NRBP1: variants seen among roughly 807,000 people sequenced by gnomAD.
NRBP1 encodes nuclear receptor-binding protein.
In NRBP1, 10 loss-of-function variants were observed where a neutral mutation model predicts 76.0. The ratio of observed to expected loss-of-function variants is 0.13; its 90% CI spans 0.08 to 0.22. The LOEUF (loss-of-function observed/expected upper bound fraction) is 0.22, where lower values mean the gene tolerates loss of function less well. Ranked by LOEUF, NRBP1 falls within the 10% of genes least tolerant of loss-of-function variation. The probability of loss-of-function intolerance (pLI) is 1.00; values close to 1 mark genes in which losing one functional copy is unlikely to be tolerated. For synonymous variants in NRBP1, 235 were observed against 240.2 expected (o/e 0.98, Z 0.20); for missense variants, 344 against 646.0 (o/e 0.53, Z 5.07).
intron 7 of NRBP1, chr2:27,435,453 A>G (rs909383700): frequency 5.0e-6 from 3 of 604,286 alleles, no homozygotes; most frequent in Non-Finnish European, 8.8e-6. Context: ...GGGTTAATAC[A>G]GAGATACTGA....
At position 27,442,222 on chromosome 2, in the gene NRBP1, C is replaced by T; in HGVS notation, c.*410C>T. On this transcript the variant is annotated 3_prime_UTR_variant, in exon 18 of 18. Coordinates refer to ENST00000379852, the MANE Select transcript of NRBP1 (RefSeq NM_013392.4). Reference sequence around the variant, plus strand: ...CCCTGGGGGGCCATTCGATTCGCCTCAGTTGCTGCTGTAATAAAAGTCTAC... The same window carrying T: ...CCCTGGGGGGCCATTCGATTCGCCTTAGTTGCTGCTGTAATAAAAGTCTAC... 1.8e-6 allele frequency: 1 copy of T among 564,000 alleles called. No individual in the cohort carries two copies. The highest frequency in any genetic ancestry group is 3.0e-6 in the Non-Finnish European group (1 of 330,028). The allele number at this position is 564,000 out of a possible 1,614,324, so 34.9% of individuals were successfully genotyped here. A position where few individuals can be genotyped will look rare whatever the true frequency, so the allele number is the denominator to read the frequency against.
rs374669922 is a variant in NRBP1 at position 27,439,913 on chromosome 2, C to T, written c.1036+15C>T. The T allele has an allele frequency of 5.6e-6, 9 of 1,603,234 alleles. No individual in the cohort carries two copies. The highest frequency in any genetic ancestry group is 7.7e-6 in the Non-Finnish European group (9 of 1,173,816). On this transcript the variant is annotated intron_variant, in intron 11 of 17. Coordinates refer to ENST00000379852, the MANE Select transcript of NRBP1 (RefSeq NM_013392.4). The stretch of plus-strand genomic sequence containing the variant: ...GGGACACCAACGTGAGTCGTCTTGG[C>T]CCTATGGGGAATAGTCTTCCAATCT...
At chr2:27,436,429 C>T (rs1466447640) in intron 7 of NRBP1, 4 of 266,532 alleles carry the variant, frequency 1.5e-5, no homozygotes, top group Admixed American at 4.9e-5. Flanking sequence ...GGAAGGTGAA[C>T]GCAGTACAAG....
rs374195507 is a variant in NRBP1 at position 27,440,649 on chromosome 2, C to T, written c.1143-3C>T. On this transcript the variant is annotated splice_region_variant and splice_polypyrimidine_tract_variant and intron_variant, in intron 12 of 17. Transcript: ENST00000379852. Reference sequence around the variant, plus strand: ...TCCATCTCCTTTCTCTTTTCTCGTCCAGGTACTCTCAGTCACCAGCTCTGG... The same window carrying T: ...TCCATCTCCTTTCTCTTTTCTCGTCTAGGTACTCTCAGTCACCAGCTCTGG... The T allele has an allele frequency of 1.5e-5, 25 of 1,613,948 alleles. No individual in the cohort carries two copies. The African/African-American group carries it at 2.9e-4, about 19-fold the overall frequency.
chr2:27,439,578 T>G (rs1053658419), intron 10 of NRBP1, among the ~76,000 whole-genome samples, 188 bp from the exon 11 acceptor site: 1 of 151,434 alleles, frequency 6.6e-6, no homozygotes, highest in Non-Finnish European at 1.5e-5. Context: ...CAGTGGATGG[T>G]ATCTTTCATA....
chr2:27,437,944 T>C (rs191102920), intron 10 of NRBP1, among the ~76,000 whole-genome samples: 1 of 151,950 alleles, frequency 6.6e-6, no homozygotes, highest in African/African-American at 2.4e-5. Flanking sequence ...CCCAGCACTT[T>C]GAGAGGCTGA....
chr2:27,428,649 A>G lies in NRBP1; in HGVS notation c.-103A>G. 3 of 397,836 alleles carry G rather than the reference A, an allele frequency of 7.5e-6. No individual in the cohort carries two copies. 24.6% of individuals were successfully genotyped at this position (397,836 alleles called of 1,614,324 possible). A position where few individuals can be genotyped will look rare whatever the true frequency, so the allele number is the denominator to read the frequency against. ...GCAGTTCGGTTGCGCTGCGGAGCGC[A>G]GCTGTGAGGGAGTCGCTGTGATCCG... On this transcript the variant is annotated 5_prime_UTR_variant, in exon 1 of 18. Coordinates refer to ENST00000379852, the MANE Select transcript of NRBP1 (RefSeq NM_013392.4).
chr2:27,428,490 GGA>G, upstream of NRBP1: 2 of 394,834 alleles, frequency 5.1e-6, no homozygotes. Flanking sequence ...CGCAAGGGGA[GGA>G]GAGCGGGTGG....
chr2:27,434,879 T>TGATTCTTTGAATCATAATC, intron 6 of NRBP1, 117 bp downstream of exon 6: 1 of 1,113,520 alleles, frequency 9.0e-7, no homozygotes, highest in South Asian at 1.3e-5. Context: ...TTGAATCATA[T>TGATTCTTTGAATCATAATC]ACTGTCAAGA....
chr2:27,441,427 T>C (rs1401978731), intron 16 of NRBP1, 97 bp downstream of exon 16: 15 of 1,417,392 alleles, frequency 1.1e-5, no homozygotes, highest in Admixed American at 3.4e-5. Context: ...CAGTAACACA[T>C]TGACTCACAT....
chr2:27,435,676 T>C, intron 7 of NRBP1: 1 of 717,694 alleles, frequency 1.4e-6, no homozygotes, highest in Non-Finnish European at 2.6e-6. Context: ...TCACAACTTT[T>C]CTCTGTTTTC....
intron 6 of NRBP1, 185 bp from the exon 7 acceptor site, chr2:27,434,948 T>C (rs1031767991): frequency 1.6e-5 from 11 of 668,232 alleles, no homozygotes; most frequent in East Asian, 8.1e-5. Flanking sequence ...ACGACACTTA[T>C]CTCCTACCTC....
intron 7 of NRBP1, 174 bp from the exon 8 acceptor site, chr2:27,436,579 G>A (rs2148449855): frequency 3.3e-6 from 2 of 598,676 alleles, no homozygotes; most frequent in East Asian, 2.8e-5. Context: ...GGGGAGGTAG[G>A]TGGCATCCAT....
rs1023250846 is a variant in NRBP1 at position 27,434,767 on chromosome 2, G to A, written c.566+5G>A. 3.7e-6 allele frequency: 6 copies of A among 1,613,720 alleles called. No homozygotes were observed. The highest frequency in any genetic ancestry group is 1.3e-5 in the African/African-American group (1 of 74,902). Reference sequence around the variant, plus strand: ...ACAAATCCTCTCTGCCCTAAGGTAAGTAGTACCTGGTTAGTTTCTTACCCA... The same window carrying A: ...ACAAATCCTCTCTGCCCTAAGGTAAATAGTACCTGGTTAGTTTCTTACCCA... On this transcript the variant is annotated splice_donor_5th_base_variant and intron_variant, in intron 6 of 17. Transcript: ENST00000379852.
chr2:27,441,543 C>T (rs760391271), intron 16 of NRBP1, 24 bp from the exon 17 acceptor site: 22 of 1,613,626 alleles, frequency 1.4e-5, no homozygotes, highest in Non-Finnish European at 1.9e-5. Context: ...GTACTGTACT[C>T]ACCCCCTCCT....
chr2:27,436,068 T>C (rs1244660737), intron 7 of NRBP1: 8 of 474,792 alleles, frequency 1.7e-5, no homozygotes, highest in East Asian at 1.5e-4. Flanking sequence ...TGAGTCCAAA[T>C]TGGGCCTGGT....
Position 27,442,069 on chromosome 2 carries a change from T to C in NRBP1, c.*257T>C, listed in dbSNP as rs1664605045. 1.9e-6 allele frequency: 1 copy of C among 533,308 alleles called. No homozygotes were observed. The highest frequency in any genetic ancestry group is 3.3e-6 in the Non-Finnish European group (1 of 305,130). The allele number at this position is 533,308 out of a possible 1,614,324, so 33.0% of individuals were successfully genotyped here. A position where few individuals can be genotyped will look rare whatever the true frequency, so the allele number is the denominator to read the frequency against. On this transcript the variant is annotated 3_prime_UTR_variant, in exon 18 of 18. Transcript: ENST00000379852. ...CAGCAGCCGCCTTCTAGTTGGGGGC[T>C]AGTCGCTGATCTGCCGGCTCCCGCC...
rs748098344 is a variant in NRBP1, at chr2:27,440,437, C to T, written c.1071C>T (p.Thr357=). 1.2e-6 allele frequency: 2 copies of T among 1,613,858 alleles called. No individual in the cohort carries two copies. Among genetic ancestry groups the T allele is most frequent in the Admixed American group, 3.3e-5 (2 of 60,012 alleles). The change falls in exon 12 of 18, where the codon ACC becomes ACT. Residue 357 remains threonine, a synonymous_variant. Transcript: ENST00000379852. ...MIPENALEEI[T]KNMDTSAVLA... ...CAGAGAACGCTCTAGAGGAGATCAC[C>T]AAAAACATGGATACTAGTGCCGTAC...
rs1195945253 is a variant in NRBP1, at chr2:27,433,329, A to C, written c.56A>C (p.Glu19Ala). The change falls in exon 2 of 18, where the codon GAA becomes GCA. Residue 19 changes from glutamate to alanine, a missense_variant. Physicochemically the swap from Glu to Ala is moderately radical, Grantham distance 107. Coordinates refer to ENST00000379852, the MANE Select transcript of NRBP1 (RefSeq NM_013392.4). ...AGCAGTGGCTCAGACCCAAAGGTAGAATCCTCATCTTCAGCTCCTGGCCTG... is the reference window on the plus strand; with the variant it reads ...AGCAGTGGCTCAGACCCAAAGGTAGCATCCTCATCTTCAGCTCCTGGCCTG... ...VLSSGSDPKVESSSSAPGLTS... is the reference protein window; with the variant it reads ...VLSSGSDPKVASSSSAPGLTS... 6.2e-7 allele frequency: 1 copy of C among 1,614,110 alleles called. No homozygotes were observed. The highest frequency in any genetic ancestry group is 1.1e-5 in the South Asian group (1 of 91,094).
Sources: allele counts gnomAD v4.1 joint callset (sites outside exome capture counted in the v4.1 genomes callset), GRCh38; gene constraint gnomAD v4.1.1; transcripts MANE v1.5; gene names NCBI Gene and HGNC (gene_info 2026-07-23, HGNC 2026-07-21).